The following NMS variants were observed in gnomAD, a reference collection of about 807,000 sequenced individuals.
NMS encodes the protein neuromedin S.
Under a neutral mutation model 32.2 loss-of-function variants are expected in NMS, and 30 were observed. The ratio of observed to expected loss-of-function variants is 0.93; its 90% CI spans 0.70 to 1.26. NMS has a LOEUF of 1.26. Among genes scored for constraint, NMS ranks in the 50% most tolerant of loss-of-function variants. The pLI is 0.00. For missense variants in NMS, 190 were observed against 186.3 expected (o/e 1.02, Z -0.12); for synonymous variants, 76 against 58.5 (o/e 1.30, Z -1.37).
chr2:100,481,222 C>G, intron 8 of NMS, 55 bp downstream of exon 8: 1 of 1,542,090 alleles, frequency 6.5e-7, no homozygotes, highest in South Asian at 1.1e-5. Context: ...GCAGCCATCC[C>G]AATCATGGAG....
At position 100,481,101 on chromosome 2, in the gene NMS, T is replaced by C. The variant is rs186141477; in HGVS notation, c.373-25T>C. On this transcript the variant is annotated intron_variant, in intron 7 of 9. Transcript: ENST00000376865. ...CTTGTAATGCAATATGGTTGCATAA[T>C]GGCTTGTGTTTCTATATGTTGCAGG... 3.0e-4 allele frequency: 478 copies of C among 1,613,662 alleles called. 1 individual carries two copies. In the African/African-American group the frequency reaches 5.4e-3, roughly 18 times the overall value.
rs980889710 is a variant in NMS, at chr2:100,472,906, C to A, written c.132+56C>A. The A allele has an allele frequency of 3.6e-6, 4 of 1,104,398 alleles. No individual in the cohort carries two copies. The African/African-American group carries it at 4.6e-5, about 13-fold the overall frequency. The allele number at this position is 1,104,398 out of a possible 1,614,324, so 68.4% of individuals were successfully genotyped here. On this transcript the variant is annotated intron_variant, in intron 2 of 9. Coordinates refer to ENST00000376865, the MANE Select transcript of NMS (RefSeq NM_001011717.1). ...TGTTTAGTCTGGACCTTGAATACAT[C>A]ATGTGTATAATGTTCACTTAAAACT... is the stretch of plus-strand genomic sequence containing the variant.
chr2:100,477,513 G>A (rs1240491629), intron 5 of NMS, 99 bp downstream of exon 5: 14 of 836,850 alleles, frequency 1.7e-5, no homozygotes, highest in South Asian at 1.6e-4. Flanking sequence ...AAAGCTGGGG[G>A]CTCCGGACAT....
intron 7 of NMS, 50 bp downstream of exon 7, chr2:100,480,581 G>A (rs1677199393): frequency 1.9e-6 from 3 of 1,590,836 alleles, no homozygotes; most frequent in Non-Finnish European, 2.6e-6. Flanking sequence ...CCCTACCCGA[G>A]AAGGGTGGGG....
At chr2:100,472,634 A>G (rs938491382) in intron 1 of NMS, among the ~76,000 whole-genome samples, 161 bp from the exon 2 acceptor site, 1 of 152,230 alleles carries the variant, frequency 6.6e-6, no homozygotes, top group African/African-American at 2.4e-5. Flanking sequence ...AAATCCTTTT[A>G]ACAACATCAG....
intron 7 of NMS, 102 bp from the exon 8 acceptor site, chr2:100,481,024 T>C (rs1677206547): frequency 8.7e-7 from 1 of 1,145,042 alleles, no homozygotes; most frequent in Non-Finnish European, 1.3e-6. Context: ...TTGGTGCCAC[T>C]GGTCTGGGAC....
At chr2:100,473,644 T>C (rs1003774017) in intron 3 of NMS, 105 bp downstream of exon 3, 5 of 311,522 alleles carry the variant, frequency 1.6e-5, no homozygotes, top group Admixed American at 5.0e-5. Flanking sequence ...TGCATGCTTA[T>C]GTGTGTTCAA....
intron 5 of NMS, among the ~76,000 whole-genome samples, chr2:100,478,086 C>CA (rs1260390954): frequency 6.6e-6 from 1 of 152,118 alleles, no homozygotes; most frequent in African/African-American, 2.4e-5. Context: ...CTCAGCCTCC[C>CA]AAGTAGCTGG....
At chr2:100,480,387 A>G in intron 6 of NMS, 109 bp from the exon 7 acceptor site, 1 of 1,114,580 alleles carries the variant, frequency 9.0e-7, no homozygotes, top group Non-Finnish European at 1.3e-6. Context: ...TTTGCACCAG[A>G]CTTCTGACTA....
At chr2:100,471,691 A>T (rs950344416) in intron 1 of NMS, among the ~76,000 whole-genome samples, 1 of 152,198 alleles carries the variant, frequency 6.6e-6, no homozygotes, top group Non-Finnish European at 1.5e-5. Flanking sequence ...ACCTCTCCAT[A>T]AATCCTTATA....
chr2:100,471,114 G>C (rs1300986839), intron 1 of NMS, among the ~76,000 whole-genome samples: 1 of 152,176 alleles, frequency 6.6e-6, no homozygotes, highest in East Asian at 1.9e-4. Context: ...GGTGCTGACC[G>C]GGTGCGGGCA....
intron 7 of NMS, 72 bp from the exon 8 acceptor site, chr2:100,481,054 T>C: frequency 1.3e-6 from 2 of 1,498,224 alleles, no homozygotes; most frequent in Middle Eastern, 1.7e-4. Context: ...TGAAAACTGT[T>C]CCTATAGACA....
intron 7 of NMS, 122 bp downstream of exon 7, chr2:100,480,653 C>A: frequency 1.1e-6 from 1 of 908,930 alleles, no homozygotes; most frequent in Non-Finnish European, 1.7e-6. Context: ...AGCTGGTCTC[C>A]AAAGGACCCT....
intron 1 of NMS, 144 bp from the exon 2 acceptor site, chr2:100,472,651 T>C: frequency 1.7e-6 from 1 of 572,794 alleles, no homozygotes; most frequent in Non-Finnish European, 3.1e-6. Context: ...TCAGATCAGA[T>C]CTTACTTTCC....
intron 1 of NMS, among the ~76,000 whole-genome samples, chr2:100,471,572 T>C (rs1006848861): frequency 6.6e-6 from 1 of 152,234 alleles, no homozygotes; most frequent in African/African-American, 2.4e-5. Context: ...TTTGTAAATA[T>C]GTTATTACCT....
intron 1 of NMS, among the ~76,000 whole-genome samples, chr2:100,472,378 T>C (rs753439): frequency 0.32 from 48,466 of 152,088 alleles, 8,898 homozygotes; most frequent in African/African-American, 0.5. Flanking sequence ...GGTATCCATG[T>C]GTCTTCAAAG....
Position 100,472,494 on chromosome 2 carries a change from T to A in NMS, c.77-301T>A, listed in dbSNP as rs1046158002. On this transcript the variant is annotated intron_variant, in intron 1 of 9. Coordinates refer to ENST00000376865, the MANE Select transcript of NMS (RefSeq NM_001011717.1). ...ACTAAGTTGTTACCTTGGATTTTTTTCCTCCTCTTTGCTGACTTGCTAATA... is the reference window on the plus strand; with the variant it reads ...ACTAAGTTGTTACCTTGGATTTTTTACCTCCTCTTTGCTGACTTGCTAATA... 2.9e-4 allele frequency among the ~76,000 whole-genome samples: 44 copies of A among 152,240 alleles called. 1 individual carries two copies. The highest frequency in any genetic ancestry group is 6.2e-4 in the South Asian group (3 of 4,830).
chr2:100,473,138 G>A (rs1460542402), intron 2 of NMS, among the ~76,000 whole-genome samples: 3 of 152,170 alleles, frequency 2.0e-5, no homozygotes, highest in East Asian at 1.9e-4. Context: ...TCTTTGATTC[G>A]TTGTCTAAAT....
At chr2:100,478,458 A>G (rs766135151) in intron 5 of NMS, among the ~76,000 whole-genome samples, 8 of 151,822 alleles carry the variant, frequency 5.3e-5, no homozygotes, top group Non-Finnish European at 8.8e-5. Context: ...AGGAGGGGGA[A>G]TTTTTTTGTT....
Sources: gnomAD v4.1 joint callset for allele counts (sites outside exome capture counted in the v4.1 genomes callset) on GRCh38, gnomAD v4.1.1 for gene constraint, MANE v1.5 for transcripts, NCBI Gene and HGNC (gene_info 2026-07-23, HGNC 2026-07-21) for gene names.